The following CACNA1C variants were observed in gnomAD, a reference collection of about 807,000 sequenced individuals.
CACNA1C encodes the protein calcium voltage-gated channel subunit alpha1 C, also known as voltage-dependent L-type calcium channel subunit alpha-1C.
CACNA1C carries 30 observed loss-of-function variants against 229.0 expected under a neutral mutation model. The ratio of observed to expected loss-of-function variants is 0.13; its 90% CI spans 0.10 to 0.18. The LOEUF is 0.18. Ranked by LOEUF, CACNA1C falls within the 10% of genes least tolerant of loss-of-function variation. The pLI, the probability that CACNA1C is intolerant of heterozygous loss-of-function variation, is 1.00. For missense variants in CACNA1C, 1,658 were observed against 2,845.0 expected (o/e 0.58, Z 9.49); for synonymous variants, 1,114 against 1,132.5 (o/e 0.98, Z 0.33).
chr12:2,557,027 T>A, intron 11 of CACNA1C, 50 bp downstream of exon 11: 1 of 1,550,064 alleles, frequency 6.5e-7, no homozygotes, highest in Non-Finnish European at 8.9e-7. Context: ...CAGCTCTGTC[T>A]TCAGCCACCC....
chr12:2,300,295 C>T (rs1347858316), intron 3 of CACNA1C, among the ~76,000 whole-genome samples: 1 of 152,162 alleles, frequency 6.6e-6, no homozygotes, highest in African/African-American at 2.4e-5. Context: ...CCTGTTTGCT[C>T]AGCTTTGTGC....
chr12:2,661,146 C>A, intron 34 of CACNA1C, among the ~76,000 whole-genome samples: 1 of 152,034 alleles, frequency 6.6e-6, no homozygotes, highest in East Asian at 1.9e-4. Flanking sequence ...CCTGTAGTCC[C>A]AGCTACTTGA....
chr12:2,120,239 CTT>C (rs1225108815), intron 2 of CACNA1C, 84 bp from the exon 3 acceptor site: 5 of 802,596 alleles, frequency 6.2e-6, no homozygotes, highest in Non-Finnish European at 8.9e-6. Flanking sequence ...TCTTATGAAT[CTT>C]TGATTCATTT....
rs147073585 is a variant in CACNA1C, at chr12:2,285,090, G to A, written c.478-163886G>A. 5.9e-5 allele frequency among the ~76,000 whole-genome samples: 9 copies of A among 152,270 alleles called. No individual in the cohort carries two copies. The highest frequency in any genetic ancestry group is 1.3e-4 in the Non-Finnish European group (9 of 68,016). On this transcript the variant is annotated intron_variant, in intron 3 of 46. Coordinates refer to ENST00000399655, the MANE Select transcript of CACNA1C (RefSeq NM_000719.7). This position sits in a 1 kb window ranked among gnomAD's most constrained non-coding sequence, Gnocchi z 4.2. ...TGCTCTCTGGGAGGAGGGACGGGCCGCTAAGTGCTGACGGCAGCCTGTCAC... is the reference window on the plus strand; with the variant it reads ...TGCTCTCTGGGAGGAGGGACGGGCCACTAAGTGCTGACGGCAGCCTGTCAC...
chr12:1,984,422 A>C (rs956362717), intron 1 of CACNA1C, among the ~76,000 whole-genome samples: 3 of 152,048 alleles, frequency 2.0e-5, no homozygotes, highest in Non-Finnish European at 2.9e-5. Flanking sequence ...TACAATATAC[A>C]TATCTAACTT....
intron 4 of CACNA1C, among the ~76,000 whole-genome samples, chr12:2,453,519 A>T (rs1049179845): frequency 3.3e-5 from 5 of 152,132 alleles, no homozygotes; most frequent in Non-Finnish European, 5.9e-5. Context: ...CTCTCTGGGT[A>T]TAAAGGACAG....
At chr12:2,055,660 C>G (rs554875939) in intron 1 of CACNA1C, among the ~76,000 whole-genome samples, 107 of 152,332 alleles carry the variant, frequency 7.0e-4, no homozygotes, top group African/African-American at 2.4e-3. Context: ...CGGCTGAGAG[C>G]TCTACCTTTC....
At chr12:2,137,454 C>T (rs916370711) in intron 3 of CACNA1C, among the ~76,000 whole-genome samples, 3 of 150,974 alleles carry the variant, frequency 2.0e-5, no homozygotes, top group African/African-American at 7.3e-5. Flanking sequence ...GGCATGGTGG[C>T]TTGCACCTGT....
At chr12:2,642,427 G>A (rs1250919432) in intron 30 of CACNA1C, among the ~76,000 whole-genome samples, 3 of 152,150 alleles carry the variant, frequency 2.0e-5, no homozygotes, top group African/African-American at 7.2e-5. Flanking sequence ...GTTCCTACAG[G>A]CTCAGCAACC....
chr12:2,167,620 C>T (rs2096291715), intron 3 of CACNA1C, among the ~76,000 whole-genome samples: 1 of 152,178 alleles, frequency 6.6e-6, no homozygotes, highest in Admixed American at 6.5e-5. Context: ...GAATCTGCCC[C>T]ATGCATGTAT....
chr12:2,616,273 T>C (rs1042792709), intron 29 of CACNA1C, among the ~76,000 whole-genome samples: 2 of 152,218 alleles, frequency 1.3e-5, no homozygotes, highest in African/African-American at 4.8e-5. Context: ...CTCCGCTCTC[T>C]TTCTGTCTGG....
rs139106404 is a variant in CACNA1C at position 2,669,442 on chromosome 12, G to A, written c.4726+407G>A. ...GCCGCATGTGGCCCATGGGCTGCAG[G>A]TTAGACAAGCCTGCTCTAGCTTATT... On this transcript the variant is annotated intron_variant, in intron 38 of 46. Transcript: ENST00000399655. Among the ~76,000 whole-genome samples the A allele has an allele frequency of 4.1e-3, 620 of 152,224 alleles. 4 individuals are homozygous for A. The highest frequency in any genetic ancestry group is 0.014 in the African/African-American group (593 of 41,572).
At chr12:2,569,690 A>G (rs530781156) in intron 13 of CACNA1C, among the ~76,000 whole-genome samples, 4 of 152,356 alleles carry the variant, frequency 2.6e-5, no homozygotes, top group African/African-American at 9.6e-5. Context: ...GTATTCATGT[A>G]TCAGTGATGG....
In CACNA1C at chr12:2,691,069, C is replaced by T; in HGVS notation, c.6287C>T (p.Pro2096Leu). 1 of 1,610,558 alleles carries T rather than the reference C, an allele frequency of 6.2e-7. No individual in the cohort carries two copies. The highest frequency in any genetic ancestry group is 8.5e-7 in the Non-Finnish European group (1 of 1,178,632). The change falls in exon 47 of 47, where the codon CCC becomes CTC. Residue 2096 changes from proline to leucine, a missense_variant. By Grantham distance (98) the Pro-to-Leu change is moderately conservative (BLOSUM62 -3). Around this residue, in one of 20 missense-constraint regions of CACNA1C, gnomAD observed 590 missense variants for 700.8 expected, o/e 0.84. Transcript: ENST00000399655. ...APQSPNGALL[P>L]FVNCRDAGQD... ...CAGAGCCCCAATGGCGCCCTCTTACCCTTTGTGAACTGCAGGGACGCGGGG... is the reference window on the plus strand; with the variant it reads ...CAGAGCCCCAATGGCGCCCTCTTACTCTTTGTGAACTGCAGGGACGCGGGG...
rs559183428 is a variant in CACNA1C at position 2,380,331 on chromosome 12, C to T, written c.478-68645C>T. Among the ~76,000 whole-genome samples, 203 of 152,284 alleles carry T rather than the reference C, an allele frequency of 1.3e-3. 1 individual carries two copies. The highest frequency in any genetic ancestry group is 7.2e-5 in the African/African-American group (3 of 41,546). ...TGGCTTTGCAAGCTTTAACACGTGA[C>T]GCTGCCTGTTTCTTTACAGGCACAA... On this transcript the variant is annotated intron_variant, in intron 3 of 46. Coordinates refer to ENST00000399655, the MANE Select transcript of CACNA1C (RefSeq NM_000719.7).
At chr12:2,125,877 A>G (rs994097732) in intron 3 of CACNA1C, among the ~76,000 whole-genome samples, 3 of 152,026 alleles carry the variant, frequency 2.0e-5, no homozygotes, top group Non-Finnish European at 4.4e-5. Flanking sequence ...GAGCTTTCCC[A>G]CTCCATTGGG....
At chr12:2,418,105 T>C (rs534220872) in intron 3 of CACNA1C, among the ~76,000 whole-genome samples, 1 of 152,248 alleles carries the variant, frequency 6.6e-6, no homozygotes, top group Admixed American at 6.5e-5. Flanking sequence ...TGGGTCCCTG[T>C]CTAACCTTCT....
intron 3 of CACNA1C, among the ~76,000 whole-genome samples, chr12:2,301,517 C>T (rs543098363): frequency 1.3e-5 from 2 of 152,208 alleles, no homozygotes; most frequent in East Asian, 3.9e-4. Flanking sequence ...CAGCCTCATC[C>T]GCCCCCCGCC....
Position 2,273,938 on chromosome 12 carries a change from C to T in CACNA1C, c.477+153508C>T, listed in dbSNP as rs201934361. On this transcript the variant is annotated intron_variant, in intron 3 of 46. Coordinates refer to ENST00000399655, the MANE Select transcript of CACNA1C (RefSeq NM_000719.7). Reference sequence around the variant, plus strand: ...GAGCACCTGATGGGTGGCTGTTGACCGACTGTCCATGCAAGGGGTGTGGGC... The same window carrying T: ...GAGCACCTGATGGGTGGCTGTTGACTGACTGTCCATGCAAGGGGTGTGGGC... 1.1e-4 allele frequency among the ~76,000 whole-genome samples: 17 copies of T among 152,294 alleles called. No individual in the cohort carries two copies. The East Asian group carries it at 2.3e-3, about 21-fold the overall frequency.
Sources: gnomAD v4.1 joint callset for allele counts (sites outside exome capture counted in the v4.1 genomes callset) on GRCh38, gnomAD v4.1.1 for gene constraint, gnomAD v4.1.1 regional missense constraint, Gnocchi (gnomAD v3.1) non-coding constraint, MANE v1.5 for transcripts, NCBI Gene and HGNC (gene_info 2026-07-23, HGNC 2026-07-21) for gene names.